Variants in PIGG observed in about 807,000 individuals in gnomAD.
PIGG encodes phosphatidylinositol glycan anchor biosynthesis class G (EMM blood group).
Under a neutral mutation model 83.2 loss-of-function variants are expected in PIGG, and 70 were observed. The ratio of observed to expected loss-of-function variants is 0.84; its 90% CI spans 0.69 to 1.03. The LOEUF (loss-of-function observed/expected upper bound fraction) is 1.03. Ranked by LOEUF, PIGG falls within the 50% of genes least tolerant of loss-of-function variation. The pLI is 0.00. For synonymous variants in PIGG, 532 were observed against 519.5 expected (o/e 1.02, Z -0.33); for missense variants, 1,257 against 1,233.6 (o/e 1.02, Z -0.28).
At chr4:505,021 G>A (rs1162837502) in intron 2 of PIGG, among the ~76,000 whole-genome samples, 1 of 152,178 alleles carries the variant, frequency 6.6e-6, no homozygotes, top group African/African-American at 2.4e-5. Context: ...TTGCTGGATT[G>A]TTAGGAGTCG....
At chr4:513,521 C>G (rs1392303585) in intron 5 of PIGG, among the ~76,000 whole-genome samples, 1 of 152,152 alleles carries the variant, frequency 6.6e-6, no homozygotes, top group African/African-American at 2.4e-5. Flanking sequence ...TGGACTTCCA[C>G]AGAGGGCAGA....
At chr4:507,153 G>A (rs1355170921) in intron 3 of PIGG, among the ~76,000 whole-genome samples, 3 of 152,164 alleles carry the variant, frequency 2.0e-5, no homozygotes, top group Non-Finnish European at 4.4e-5. Flanking sequence ...TTGCCCAGGT[G>A]GGTCCTGAAC....
At chr4:516,501 C>A (rs116006633) in intron 6 of PIGG, among the ~76,000 whole-genome samples, 100 of 152,212 alleles carry the variant, frequency 6.6e-4, no homozygotes, top group African/African-American at 2.1e-3. Context: ...CCTCATGGAA[C>A]CTTCCAGAGG....
chr4:499,829 C>T (rs1387998483), intron 1 of PIGG: 1 of 759,740 alleles, frequency 1.3e-6, no homozygotes, highest in South Asian at 3.4e-5. Context: ...TTATAGGCGC[C>T]CTTTTTGCCC....
rs1345376556 is a variant in PIGG at position 530,922 on chromosome 4, C to T, written c.2571+177C>T. ...AGTACAGCCGGTTGTTTAAGACACGCGTCCCAGGTGTGGATGTGTGGGTGC... is the reference window on the plus strand; with the variant it reads ...AGTACAGCCGGTTGTTTAAGACACGTGTCCCAGGTGTGGATGTGTGGGTGC... On this transcript the variant is annotated intron_variant, in intron 11 of 12. Transcript: ENST00000453061. 1.2e-5 allele frequency: 7 copies of T among 584,908 alleles called. No individual in the cohort carries two copies. The East Asian group carries it at 1.4e-4, about 12-fold the overall frequency. The allele number at this position is 584,908 out of a possible 1,614,324, so 36.2% of individuals were successfully genotyped here. A position where few individuals can be genotyped will look rare whatever the true frequency, so the allele number is the denominator to read the frequency against.
chr4:528,114 C>A lies in PIGG; in HGVS notation c.2261+884C>A, dbSNP rs1309102830. 1 of 985,260 alleles carries A rather than the reference C, an allele frequency of 1.0e-6. No individual in the cohort carries two copies. Among genetic ancestry groups the A allele is most frequent in the African/African-American group, 1.7e-5 (1 of 57,212 alleles). The allele number at this position is 985,260 out of a possible 1,614,324, so 61.0% of individuals were successfully genotyped here. ...GTCGGTGCTCTGATAGTGACCCTCT[C>A]AGTGAGGTCGGTGCTCTGCAGAGGG... On this transcript the variant is annotated intron_variant, in intron 10 of 12. Transcript: ENST00000453061. This position sits in a 1 kb window ranked among gnomAD's most constrained non-coding sequence, Gnocchi z 4.8.
chr4:512,563 T>C (rs61793751), intron 5 of PIGG, among the ~76,000 whole-genome samples: 3,413 of 152,064 alleles, frequency 0.022, 47 homozygotes, highest in Non-Finnish European at 0.03. Flanking sequence ...TCATTTGTAA[T>C]CCCAGCACTT....
chr4:516,278 C>A, intron 6 of PIGG, 93 bp downstream of exon 6: 2 of 811,092 alleles, frequency 2.5e-6, no homozygotes, highest in Non-Finnish European at 2.1e-6. Flanking sequence ...TGCAGTTTGT[C>A]ACAGGAGTAT....
intron 6 of PIGG, among the ~76,000 whole-genome samples, chr4:517,466 G>A (rs527697003): frequency 1.4e-4 from 21 of 152,310 alleles, no homozygotes; most frequent in African/African-American, 4.3e-4. Flanking sequence ...CACGACTTAG[G>A]AGGAACAGTT....
intron 5 of PIGG, among the ~76,000 whole-genome samples, chr4:511,911 G>C (rs529614260): frequency 5.9e-5 from 9 of 152,298 alleles, no homozygotes; most frequent in African/African-American, 2.2e-4. Context: ...TGAATGTGCT[G>C]TCTCACCGCC....
At chr4:506,169 A>G (rs781878734) in intron 3 of PIGG, among the ~76,000 whole-genome samples, 14 of 152,084 alleles carry the variant, frequency 9.2e-5, no homozygotes, top group Non-Finnish European at 1.9e-4. Flanking sequence ...GCTGAGTGCC[A>G]TTGAGGGGCA....
At chr4:501,223 A>C (rs1013538851) in intron 2 of PIGG, 4 of 449,924 alleles carry the variant, frequency 8.9e-6, no homozygotes, top group African/African-American at 8.0e-5. Context: ...ATGTGGTGAT[A>C]CTTCAATGGG....
intron 5 of PIGG, among the ~76,000 whole-genome samples, chr4:510,708 G>A (rs538589984): frequency 2.0e-5 from 3 of 152,248 alleles, no homozygotes; most frequent in South Asian, 2.1e-4. Flanking sequence ...TACCTGTTTC[G>A]TGAGCCAGGA....
chr4:513,615 G>A (rs1722942340), intron 5 of PIGG, among the ~76,000 whole-genome samples: 1 of 152,214 alleles, frequency 6.6e-6, no homozygotes, highest in African/African-American at 2.4e-5. Context: ...CTGGCACCTA[G>A]TGGATGTTTT....
chr4:507,868 G>C (rs1475185081), intron 4 of PIGG, among the ~76,000 whole-genome samples: 3 of 152,078 alleles, frequency 2.0e-5, no homozygotes, highest in Non-Finnish European at 4.4e-5. Context: ...CACTCTCTCT[G>C]TTCTGTATCA....
chr4:525,871 G>C (rs1257779920), intron 9 of PIGG: 2 of 152,294 alleles, frequency 1.3e-5, no homozygotes, highest in African/African-American at 4.8e-5. Context: ...GCTGCTGGGA[G>C]GTTGTGCGGG....
chr4:525,138 C>T, intron 9 of PIGG: 1 of 958,632 alleles, frequency 1.0e-6, no homozygotes, highest in Non-Finnish European at 1.2e-6. Flanking sequence ...TTTCTCCTCC[C>T]CATCCTCCCT....
Position 508,414 on chromosome 4 carries a change from G to T in PIGG, c.760-415G>T, listed in dbSNP as rs565032175. ...CCAGGGGCAGAGAAGCCTGGTGGGT[G>T]CCCCCACATGGCTCAGAGCTCTTGC... On this transcript the variant is annotated intron_variant, in intron 4 of 12. Transcript: ENST00000453061. 3.9e-5 allele frequency among the ~76,000 whole-genome samples: 6 copies of T among 152,368 alleles called. No homozygotes were observed. The South Asian group carries it at 1.0e-3, about 26-fold the overall frequency.
chr4:531,363 G>GCCAGATGGGGCCT (rs1560369906), intron 11 of PIGG: 1 of 156,772 alleles, frequency 6.4e-6, no homozygotes, highest in African/African-American at 2.4e-5. Flanking sequence ...AGGAGAGCAG[G>GCCAGATGGGGCCT]CACAGCCCTG....
Sources: allele counts gnomAD v4.1 joint callset (sites outside exome capture counted in the v4.1 genomes callset), GRCh38; gene constraint gnomAD v4.1.1; non-coding constraint Gnocchi (gnomAD v3.1); transcripts MANE v1.5; gene names NCBI Gene and HGNC (gene_info 2026-07-23, HGNC 2026-07-21).